SLC9A9: variants seen among roughly 807,000 people sequenced by gnomAD.
The protein encoded by SLC9A9 is solute carrier family 9 member A9.
Under a neutral mutation model 77.8 loss-of-function variants are expected in SLC9A9, and 62 were observed. The observed-to-expected ratio is 0.80, with a 90% CI of 0.65 to 0.98. The LOEUF (loss-of-function observed/expected upper bound fraction) is 0.98. Among genes scored for constraint, SLC9A9 ranks in the 50% least tolerant of loss-of-function variants. SLC9A9 has a pLI of 0.00. For missense variants in SLC9A9, 775 were observed against 774.9 expected, an observed-to-expected ratio of 1.00 and a Z score of 0.00; for synonymous variants, 320 against 283.5, an observed-to-expected ratio of 1.13 and a Z score of -1.29.
chr3:143,394,464 G>A (rs1486100981), intron 12 of SLC9A9, among the ~76,000 whole-genome samples: 3 of 152,042 alleles, frequency 2.0e-5, no homozygotes, highest in Admixed American at 6.5e-5. Context: ...AAAATAATAA[G>A]AGCTATCTAT....
intron 6 of SLC9A9, among the ~76,000 whole-genome samples, chr3:143,579,654 T>A (rs1286769050): frequency 6.6e-6 from 1 of 152,168 alleles, no homozygotes; most frequent in African/African-American, 2.4e-5. Context: ...TAAAAACTAA[T>A]CAGGAAAAAT....
intron 4 of SLC9A9, among the ~76,000 whole-genome samples, chr3:143,730,791 G>C (rs1934783364): frequency 6.6e-6 from 1 of 152,006 alleles, no homozygotes; most frequent in Admixed American, 6.6e-5. Flanking sequence ...GGATGGATGG[G>C]TGAACAGGGA....
chr3:143,266,681 C>T lies in SLC9A9; in HGVS notation c.*21G>A. On this transcript the variant is annotated 3_prime_UTR_variant, in exon 16 of 16. Coordinates refer to ENST00000316549, the MANE Select transcript of SLC9A9 (RefSeq NM_173653.4). ...GTGAGTCTTGCATTACTTGTGATTACATCTGTACTCTTCATGCCAATTAAT... is the reference window on the plus strand; with the variant it reads ...GTGAGTCTTGCATTACTTGTGATTATATCTGTACTCTTCATGCCAATTAAT... 6.2e-7 allele frequency: 1 copy of T among 1,612,862 alleles called. No individual in the cohort carries two copies. Among genetic ancestry groups the T allele is most frequent in the Non-Finnish European group, 8.5e-7 (1 of 1,178,946 alleles).
At position 143,280,809 on chromosome 3, in the gene SLC9A9, TC is replaced by T. The variant is rs559701204; in HGVS notation, c.1605-11830del. On this transcript the variant is annotated intron_variant, in intron 14 of 15. Transcript: ENST00000316549. Reference sequence around the variant, plus strand: ...CTCAGGTGACCTGCCTGCCTTGGCCTCCCAAAGTGCTAGAATTACAGGCATG... The same window carrying T: ...CTCAGGTGACCTGCCTGCCTTGGCCTCCAAAGTGCTAGAATTACAGGCATG... Among the ~76,000 whole-genome samples, 427 of 152,274 alleles carry T rather than the reference TC, an allele frequency of 2.8e-3. 2 individuals are homozygous for T. Among genetic ancestry groups the T allele is most frequent in the African/African-American group, 9.7e-3 (402 of 41,548 alleles).
In SLC9A9 at chr3:143,382,077, G is replaced by T. The variant is rs564750167; in HGVS notation, c.1507C>A (p.Pro503Thr). The T allele has an allele frequency of 1.2e-6, 2 of 1,614,006 alleles. No individual in the cohort carries two copies. Among genetic ancestry groups the T allele is most frequent in the Non-Finnish European group, 1.7e-6 (2 of 1,179,976 alleles). Residue 503 changes from proline (P) to threonine (T), a missense_variant, in exon 13 of 16, where the codon CCC (proline) becomes ACC (threonine). Pro to Thr is a conservative substitution (Grantham distance 38, BLOSUM62 -1). Coordinates refer to ENST00000316549, the MANE Select transcript of SLC9A9 (RefSeq NM_173653.4). ...VDLDENLKED[P>T]SSQHQEANNL... The stretch of plus-strand genomic sequence containing the variant: ...TGACTTGCCTGGTGTTGTGAGGAGG[G>T]GTCCTCCTTCAGATTTTCATCCAGG...
chr3:143,417,418 C>A (rs927895931), intron 12 of SLC9A9, among the ~76,000 whole-genome samples: 1 of 144,082 alleles, frequency 6.9e-6, no homozygotes, highest in Non-Finnish European at 1.5e-5. Flanking sequence ...TGGTAGGGTC[C>A]TAATTTGGTA....
chr3:143,733,725 G>A (rs557252220), intron 4 of SLC9A9, among the ~76,000 whole-genome samples: 16 of 152,024 alleles, frequency 1.1e-4, no homozygotes, highest in Middle Eastern at 3.4e-3. Flanking sequence ...CATCTGCTTG[G>A]ATCAAGGATG....
At chr3:143,648,879 TG>T (rs766742625) in intron 6 of SLC9A9, among the ~76,000 whole-genome samples, 2 of 152,166 alleles carry the variant, frequency 1.3e-5, no homozygotes, top group Non-Finnish European at 2.9e-5. Flanking sequence ...GAGACAGCCC[TG>T]GGAAATGCTG....
chr3:143,271,106 G>GC (rs939963681), intron 14 of SLC9A9, among the ~76,000 whole-genome samples: 11 of 150,882 alleles, frequency 7.3e-5, no homozygotes, highest in South Asian at 2.1e-4. Flanking sequence ...AGCCATTGTG[G>GC]TTATCAGATC....
chr3:143,413,247 G>A (rs1218393926), intron 12 of SLC9A9, among the ~76,000 whole-genome samples: 1 of 152,196 alleles, frequency 6.6e-6, no homozygotes, highest in Non-Finnish European at 1.5e-5. Flanking sequence ...CAGCCCAGAG[G>A]TGTGTGCTTT....
At chr3:143,830,882 A>G (rs2009418607) in intron 2 of SLC9A9, among the ~76,000 whole-genome samples, 1 of 152,188 alleles carries the variant, frequency 6.6e-6, no homozygotes, top group Admixed American at 6.6e-5. Context: ...TTTCAGAAAT[A>G]CATTATCTAA....
intron 5 of SLC9A9, among the ~76,000 whole-genome samples, chr3:143,673,368 G>T (rs1261506733): frequency 2.0e-5 from 3 of 152,118 alleles, no homozygotes. Flanking sequence ...GATGGCTATG[G>T]TTAGTGATGA....
chr3:143,307,696 C>T (rs2030848217), intron 14 of SLC9A9, among the ~76,000 whole-genome samples: 1 of 152,200 alleles, frequency 6.6e-6, no homozygotes. Flanking sequence ...GGTCCTCAGC[C>T]TTGCAATGAT....
intron 4 of SLC9A9, among the ~76,000 whole-genome samples, chr3:143,709,867 C>A (rs1040607543): frequency 6.6e-6 from 1 of 152,114 alleles, no homozygotes. Flanking sequence ...TTCCTTTGAT[C>A]TGAAGCTCCA....
intron 4 of SLC9A9, among the ~76,000 whole-genome samples, chr3:143,792,071 C>T (rs2008241839): frequency 6.6e-6 from 1 of 152,098 alleles, no homozygotes; most frequent in Admixed American, 6.5e-5. Flanking sequence ...CTTTTTAAAC[C>T]TCAGTTGTTT....
chr3:143,560,403 C>T (rs1338848981), intron 8 of SLC9A9, among the ~76,000 whole-genome samples: 1 of 152,164 alleles, frequency 6.6e-6, no homozygotes, highest in Non-Finnish European at 1.5e-5. Context: ...AAGACATCTT[C>T]AAAGGAGTAG....
chr3:143,806,785 A>G (rs1372294237), intron 2 of SLC9A9, among the ~76,000 whole-genome samples: 2 of 152,162 alleles, frequency 1.3e-5, no homozygotes, highest in African/African-American at 4.8e-5. Context: ...ATAGTTACAT[A>G]GAATGAATAA....
In SLC9A9 at chr3:143,266,373, C is replaced by A. The variant is rs189063774; in HGVS notation, c.*329G>T. On this transcript the variant is annotated 3_prime_UTR_variant, in exon 16 of 16. Transcript: ENST00000316549. ...AATAGAAGTGAAGGGCCTGGAGAGC[C>A]GCATTCGCAGCAGAAATGCCCTGAA... 1.8e-6 allele frequency: 1 copy of A among 549,500 alleles called. No individual in the cohort carries two copies. The highest frequency in any genetic ancestry group is 3.2e-6 in the Non-Finnish European group (1 of 307,834). The allele number at this position is 549,500 out of a possible 1,614,324, so 34.0% of individuals were successfully genotyped here.
At chr3:143,648,543 T>G (rs1216774676) in intron 6 of SLC9A9, among the ~76,000 whole-genome samples, 1 of 152,196 alleles carries the variant, frequency 6.6e-6, no homozygotes, top group African/African-American at 2.4e-5. Flanking sequence ...CACAGACCAG[T>G]GCCGGTCCAC....
Sources: gnomAD v4.1 joint callset for allele counts (sites outside exome capture counted in the v4.1 genomes callset) on GRCh38, gnomAD v4.1.1 for gene constraint, MANE v1.5 for transcripts, NCBI Gene and HGNC (gene_info 2026-07-23, HGNC 2026-07-21) for gene names.